MSI2: variants seen among roughly 807,000 people sequenced by gnomAD.
MSI2 encodes the protein musashi RNA binding protein 2.
MSI2 carries 17 observed loss-of-function variants against 45.6 expected under a neutral mutation model. The observed-to-expected ratio is 0.37, with a 90% confidence interval of 0.26 to 0.56. The LOEUF (loss-of-function observed/expected upper bound fraction) is 0.56, where lower values mean the gene tolerates loss of function less well. Among genes scored for constraint, MSI2 ranks in the 20% least tolerant of loss-of-function variants. The pLI is 0.77. For missense variants in MSI2, 293 were observed against 444.2 expected, an observed-to-expected ratio of 0.66 and a Z score of 3.06; for synonymous variants, 156 against 158.2, an observed-to-expected ratio of 0.99 and a Z score of 0.11.
In MSI2 at chr17:57,256,805, G is replaced by A; in HGVS notation, c.62+1G>A. The A allele has an allele frequency of 6.8e-7, 1 of 1,472,194 alleles. No individual in the cohort carries two copies. Among genetic ancestry groups the A allele is most frequent in the Non-Finnish European group, 9.0e-7 (1 of 1,113,772 alleles). The allele number at this position is 1,472,194 out of a possible 1,614,324, so 91.2% of individuals were successfully genotyped here. A position where few individuals can be genotyped will look rare whatever the true frequency, so the allele number is the denominator to read the frequency against. ...CCAACGACTCCCAGCACGACCCCGG[G>A]TAAGTTTCCAGCCGCTGCCCACCGC... On this transcript the variant is annotated splice_donor_variant, in intron 1 of 13. Coordinates refer to ENST00000284073, the MANE Select transcript of MSI2 (RefSeq NM_138962.4). LOFTEE classifies it high-confidence loss of function.
At chr17:57,262,353 C>A (rs1352253616) in intron 5 of MSI2, 161 bp downstream of exon 5, 2 of 655,990 alleles carry the variant, frequency 3.0e-6, no homozygotes, top group Admixed American at 3.1e-5. Context: ...GATAACCATG[C>A]GTCTCTAAGT....
chr17:57,667,335 C>T (rs1912441506), intron 11 of MSI2, among the ~76,000 whole-genome samples: 2 of 152,126 alleles, frequency 1.3e-5, no homozygotes, highest in South Asian at 4.1e-4. Flanking sequence ...ATTTGTCTCC[C>T]GGGTTGGTTT....
chr17:57,563,619 T>C (rs2087642264), intron 7 of MSI2, among the ~76,000 whole-genome samples: 1 of 152,156 alleles, frequency 6.6e-6, no homozygotes, highest in African/African-American at 2.4e-5. Context: ...TCTCCAGTCC[T>C]TCCTAATGTG....
chr17:57,259,724 C>T (rs1393130229), intron 4 of MSI2, among the ~76,000 whole-genome samples: 1 of 152,176 alleles, frequency 6.6e-6, no homozygotes, highest in Admixed American at 6.5e-5. Context: ...TCCTTGATTT[C>T]GTGGCTAGCC....
intron 5 of MSI2, among the ~76,000 whole-genome samples, chr17:57,393,500 A>T (rs1050483714): frequency 6.6e-6 from 1 of 152,070 alleles, no homozygotes; most frequent in Non-Finnish European, 1.5e-5. Context: ...TTATGGATGT[A>T]CCACATTTTG....
At chr17:57,262,389 C>T (rs1907393806) in intron 5 of MSI2, 197 bp downstream of exon 5, 1 of 496,308 alleles carries the variant, frequency 2.0e-6, no homozygotes, top group African/African-American at 1.9e-5. Flanking sequence ...GGCTTCTGAA[C>T]ATCCACCTGG....
At chr17:57,270,536 C>T (rs1253491784) in intron 5 of MSI2, among the ~76,000 whole-genome samples, 1 of 152,196 alleles carries the variant, frequency 6.6e-6, no homozygotes, top group African/African-American at 2.4e-5. Flanking sequence ...ATTTTTGTTA[C>T]CTGTTTTCTG....
In MSI2 at chr17:57,280,726, A is replaced by T. The variant is rs1598064757; in HGVS notation, c.312+18534A>T. 6.6e-6 allele frequency among the ~76,000 whole-genome samples: 1 copy of T among 152,200 alleles called. No individual in the cohort carries two copies. Among genetic ancestry groups the T allele is most frequent in the African/African-American group, 2.4e-5 (1 of 41,450 alleles). ...TTGTTTTTGAGCTTGCACTGTATAC[A>T]TATTTATTTATAAATGACATACATA... On this transcript the variant is annotated intron_variant, in intron 5 of 13. Transcript: ENST00000284073. This position sits in a 1 kb window ranked among gnomAD's most constrained non-coding sequence, Gnocchi z 4.2.
At chr17:57,358,366 CA>C (rs947117244) in intron 5 of MSI2, among the ~76,000 whole-genome samples, 2 of 152,152 alleles carry the variant, frequency 1.3e-5, no homozygotes, top group Non-Finnish European at 2.9e-5. Flanking sequence ...TGCCAGGTAA[CA>C]CCTTGAATGA....
chr17:57,340,264 A>T (rs559491056), intron 5 of MSI2, among the ~76,000 whole-genome samples: 1 of 152,256 alleles, frequency 6.6e-6, no homozygotes, highest in African/African-American at 2.4e-5. Flanking sequence ...CGGCCTCCAG[A>T]CGCACCTCCT....
chr17:57,663,205 GC>G (rs1177608820), intron 11 of MSI2, among the ~76,000 whole-genome samples: 4 of 152,220 alleles, frequency 2.6e-5, no homozygotes, highest in Admixed American at 2.6e-4. Context: ...GGAGCAGCGG[GC>G]TTCTTGGCCA....
chr17:57,316,694 C>CGAA (rs1912878691), intron 5 of MSI2, among the ~76,000 whole-genome samples: 1 of 152,118 alleles, frequency 6.6e-6, no homozygotes, highest in Non-Finnish European at 1.5e-5. Context: ...TGCCCCCTTC[C>CGAA]CCATGGTCTT....
At chr17:57,455,397 T>A (rs753447990) in intron 6 of MSI2, among the ~76,000 whole-genome samples, 14 of 152,172 alleles carry the variant, frequency 9.2e-5, no homozygotes, top group Non-Finnish European at 1.9e-4. Flanking sequence ...TTAGCATGTT[T>A]TTCTCTCTTT....
chr17:57,261,308 A>G (rs1489991781), intron 4 of MSI2, among the ~76,000 whole-genome samples: 7 of 150,898 alleles, frequency 4.6e-5, no homozygotes, highest in African/African-American at 1.5e-4. Flanking sequence ...GGGTAGGGGA[A>G]TTCCCTACTT....
At chr17:57,274,893 G>A (rs1392904148) in intron 5 of MSI2, among the ~76,000 whole-genome samples, 1 of 152,194 alleles carries the variant, frequency 6.6e-6, no homozygotes, top group Non-Finnish European at 1.5e-5. Context: ...CTTAAAAAAA[G>A]GGGAATAGTA....
intron 5 of MSI2, among the ~76,000 whole-genome samples, chr17:57,395,193 T>C: frequency 6.6e-6 from 1 of 152,226 alleles, no homozygotes; most frequent in East Asian, 1.9e-4. Context: ...CGTTACTGGA[T>C]TTAGGGCTTA....
chr17:57,504,058 C>G (rs1417561529), intron 6 of MSI2, among the ~76,000 whole-genome samples: 1 of 152,136 alleles, frequency 6.6e-6, no homozygotes, highest in African/African-American at 2.4e-5. Flanking sequence ...TTGACAGAAA[C>G]TTTCTCTTCC....
At chr17:57,675,284 G>A (rs558854242) in intron 12 of MSI2, among the ~76,000 whole-genome samples, 158 bp downstream of exon 12, 7 of 152,280 alleles carry the variant, frequency 4.6e-5, no homozygotes, top group East Asian at 3.9e-4. Flanking sequence ...AGCCTCCGTC[G>A]TCTTAGAGGT....
At chr17:57,361,109 C>T (rs903514762) in intron 5 of MSI2, among the ~76,000 whole-genome samples, 3 of 152,156 alleles carry the variant, frequency 2.0e-5, no homozygotes, top group Non-Finnish European at 1.5e-5. Flanking sequence ...ATGTTGTTGA[C>T]ACTTGAACAA....
Sources: gnomAD v4.1 joint callset for allele counts (sites outside exome capture counted in the v4.1 genomes callset) on GRCh38, gnomAD v4.1.1 for gene constraint, Gnocchi (gnomAD v3.1) non-coding constraint, MANE v1.5 for transcripts, NCBI Gene and HGNC (gene_info 2026-07-23, HGNC 2026-07-21) for gene names.